The following MAVS variants were observed in gnomAD, a reference collection of about 807,000 sequenced individuals.
MAVS encodes mitochondrial antiviral signaling protein, also known as mitochondrial antiviral-signaling protein.
Under a neutral mutation model 30.2 loss-of-function variants are expected in MAVS, and 20 were observed. That is an observed-to-expected ratio of 0.66 (90% CI 0.47 to 0.96). MAVS has a LOEUF of 0.96. Ranked by LOEUF, MAVS falls within the 40% of genes least tolerant of loss-of-function variation. MAVS has a pLI of 0.00. For synonymous variants in MAVS, 278 were observed against 293.9 expected (o/e 0.95, Z 0.55); for missense variants, 624 against 701.1 (o/e 0.89, Z 1.24).
intron 1 of MAVS, among the ~76,000 whole-genome samples, chr20:3,853,492 A>T (rs1198219973): frequency 6.6e-6 from 1 of 151,636 alleles, no homozygotes; most frequent in Non-Finnish European, 1.5e-5. Flanking sequence ...TCTCAAAAAA[A>T]AAAAAAAGAA....
Position 3,874,574 on chromosome 20 carries a change from G to C in MAVS, c.*8427G>C. ...ATGGGGACAGAGCGGACTAACTGGA[G>C]GGGCATCTTTGGTTGGTTGGGGGGG... is the stretch of plus-strand genomic sequence containing the variant. On this transcript the variant is annotated 3_prime_UTR_variant, in exon 7 of 7. Transcript: ENST00000428216. The C allele has an allele frequency of 4.9e-6, 1 of 204,832 alleles. No individual in the cohort carries two copies. Among genetic ancestry groups the C allele is most frequent in the Non-Finnish European group, 9.7e-6 (1 of 102,588 alleles). 12.7% of individuals were successfully genotyped at this position (204,832 alleles called of 1,614,324 possible).
At position 3,874,363 on chromosome 20, in the gene MAVS, C is replaced by G; in HGVS notation, c.*8216C>G. 2.5e-6 allele frequency: 1 copy of G among 397,424 alleles called. No individual in the cohort carries two copies. Among genetic ancestry groups the G allele is most frequent in the Non-Finnish European group, 4.4e-6 (1 of 225,836 alleles). 24.6% of individuals were successfully genotyped at this position (397,424 alleles called of 1,614,324 possible). On this transcript the variant is annotated 3_prime_UTR_variant, in exon 7 of 7. Transcript: ENST00000428216. ...GTATTGTCAGTTTGTTTCCAGACTC[C>G]CTGTTGGAGATGTGGAAATAAAAAC...
rs753967739 is a variant in MAVS, at chr20:3,864,278, A to G, written c.648A>G (p.Pro216=). The G allele has an allele frequency of 4.3e-6, 7 of 1,610,994 alleles. No homozygotes were observed. Among genetic ancestry groups the G allele is most frequent in the East Asian group, 2.2e-5 (1 of 44,836 alleles). The stretch of plus-strand genomic sequence containing the variant: ...CAGGTGCGACCTCCAGCCTCACACC[A>G]TCCCGTGGGCCTGTGTCTCCATCTG... ...HTAGATSSLT[P]SRGPVSPSVS... The change falls in exon 6 of 7, where the codon CCA becomes CCG. Residue 216 remains proline, a synonymous_variant. Coordinates refer to ENST00000428216, the MANE Select transcript of MAVS (RefSeq NM_020746.5).
At chr20:3,850,045 G>C (rs940498063) in intron 1 of MAVS, among the ~76,000 whole-genome samples, 1 of 151,850 alleles carries the variant, frequency 6.6e-6, no homozygotes, top group East Asian at 1.9e-4. Context: ...TTGGGAGGCC[G>C]AGGCGGGCAG....
intron 1 of MAVS, among the ~76,000 whole-genome samples, chr20:3,847,547 A>G (rs1480022357): frequency 6.6e-6 from 1 of 152,204 alleles, no homozygotes; most frequent in Non-Finnish European, 1.5e-5. Context: ...AACATGAAAC[A>G]AACCAAAAAC....
In MAVS at chr20:3,865,944, C is replaced by T. The variant is rs535399230; in HGVS notation, c.1420C>T (p.Pro474Ser). Residue 474 changes from proline to serine, a missense_variant, in exon 7 of 7, where the codon CCC becomes TCC. By Grantham distance (74) the Pro-to-Ser change is moderately conservative. Coordinates refer to ENST00000428216, the MANE Select transcript of MAVS (RefSeq NM_020746.5). The surrounding 1 kb of genome is among the most constrained non-coding windows in gnomAD (Gnocchi z 4.7). ...GTFGIHVAEN[P>S]SIQLLEGNPG... ...CTTTGGGATCCACGTGGCTGAGAAC[C>T]CCAGCATCCAGCTCCTGGAGGGCAA... 3.7e-6 allele frequency: 6 copies of T among 1,613,724 alleles called. No individual in the cohort carries two copies. The East Asian group carries it at 1.3e-4, about 36-fold the overall frequency.
rs368658432 is a variant in MAVS, at chr20:3,864,650, G to A, written c.1020G>A (p.Ala340=). 2.2e-5 allele frequency: 36 copies of A among 1,614,040 alleles called. No individual in the cohort carries two copies. Among genetic ancestry groups the A allele is most frequent in the East Asian group, 6.7e-5 (3 of 44,894 alleles). Residue 340 remains alanine (A), a synonymous_variant, in exon 6 of 7, where the codon GCG becomes GCA. Coordinates refer to ENST00000428216, the MANE Select transcript of MAVS (RefSeq NM_020746.5). ...SKPPGAVPSN[A]LTNPAPSKLP... is the part of the protein sequence containing the mutation. ...CCCCTGGTGCAGTGCCTTCTAATGC[G>A]CTCACCAATCCAGCACCATCCAAAT...
intron 3 of MAVS, among the ~76,000 whole-genome samples, chr20:3,860,397 G>A (rs1202467917): frequency 3.0e-5 from 4 of 134,668 alleles, no homozygotes; most frequent in African/African-American, 5.7e-5. Flanking sequence ...TTTTTGAGAC[G>A]GAGTCTCGCT....
At chr20:3,861,743 T>TTGTGTG (rs111361032) in intron 4 of MAVS, among the ~76,000 whole-genome samples, 332 of 148,884 alleles carry the variant, frequency 2.2e-3, no homozygotes, top group African/African-American at 3.5e-3. Context: ...GACCACAGTT[T>TTGTGTG]TGTGTGTGTG....
Position 3,865,590 on chromosome 20 carries a change from T to TA in MAVS, c.1159-92dup. ...ATTGGGAATTGAGGGGTTGGAGTGT[T>TA]AGTTCATGCCCTGGCCTGGGAATGG... is the stretch of plus-strand genomic sequence containing the variant. On this transcript the variant is annotated intron_variant, in intron 6 of 6. Transcript: ENST00000428216. This position sits in a 1 kb window ranked among gnomAD's most constrained non-coding sequence, Gnocchi z 4.7. The TA allele has an allele frequency of 8.5e-7, 1 of 1,181,248 alleles. No individual in the cohort carries two copies. 73.2% of individuals were successfully genotyped at this position (1,181,248 alleles called of 1,614,324 possible).
chr20:3,853,656 T>G (rs940497917), intron 1 of MAVS, among the ~76,000 whole-genome samples: 1 of 151,980 alleles, frequency 6.6e-6, no homozygotes, highest in African/African-American at 2.4e-5. Flanking sequence ...TAGCTGGGCA[T>G]AGTGGCGCAG....
chr20:3,855,758 C>T (rs1008267802), intron 2 of MAVS, among the ~76,000 whole-genome samples: 1 of 152,162 alleles, frequency 6.6e-6, no homozygotes, highest in Non-Finnish European at 1.5e-5. Flanking sequence ...TAAATATTTT[C>T]TGTGGGTTTT....
In MAVS at chr20:3,871,345, G is replaced by A. The variant is rs1568541493; in HGVS notation, c.*5198G>A. 1 of 153,992 alleles carries A rather than the reference G, an allele frequency of 6.5e-6. No individual in the cohort carries two copies. Among genetic ancestry groups the A allele is most frequent in the East Asian group, 1.9e-4 (1 of 5,306 alleles). The allele number at this position is 153,992 out of a possible 1,614,324, so 9.5% of individuals were successfully genotyped here. A position where few individuals can be genotyped will look rare whatever the true frequency, so the allele number is the denominator to read the frequency against. On this transcript the variant is annotated 3_prime_UTR_variant, in exon 7 of 7. Transcript: ENST00000428216. ...TGGTTTTGTGGCCTCTGTGGATGAC[G>A]TCTCTCACCTTGAACCAGTTCAGAG...
intron 1 of MAVS, among the ~76,000 whole-genome samples, chr20:3,848,805 C>G (rs140073709): frequency 6.6e-6 from 1 of 152,308 alleles, no homozygotes; most frequent in Non-Finnish European, 1.5e-5. Flanking sequence ...TGCTCCTCCC[C>G]TGGCTTCTCT....
Position 3,870,949 on chromosome 20 carries a change from C to G in MAVS, c.*4802C>G, listed in dbSNP as rs181268890. The G allele has an allele frequency of 6.6e-6, 1 of 152,172 alleles. No individual in the cohort carries two copies. The highest frequency in any genetic ancestry group is 1.5e-5 in the Non-Finnish European group (1 of 68,120). 9.4% of individuals were successfully genotyped at this position (152,172 alleles called of 1,614,324 possible). A position where few individuals can be genotyped will look rare whatever the true frequency, so the allele number is the denominator to read the frequency against. On this transcript the variant is annotated 3_prime_UTR_variant, in exon 7 of 7. Transcript: ENST00000428216. ...AGGCTGGAGTGCAGTGGTGCAACTTCGGCTCACTGCAACCTCCGCCTCCCA... is the reference window on the plus strand; with the variant it reads ...AGGCTGGAGTGCAGTGGTGCAACTTGGGCTCACTGCAACCTCCGCCTCCCA...
chr20:3,866,206 CT>C lies in MAVS; in HGVS notation c.*60del, dbSNP rs1165536340. The C allele has an allele frequency of 7.0e-7, 1 of 1,433,310 alleles. No homozygotes were observed. Among genetic ancestry groups the C allele is most frequent in the Non-Finnish European group, 9.3e-7 (1 of 1,075,296 alleles). The allele number at this position is 1,433,310 out of a possible 1,614,324, so 88.8% of individuals were successfully genotyped here. On this transcript the variant is annotated 3_prime_UTR_variant, in exon 7 of 7. Coordinates refer to ENST00000428216, the MANE Select transcript of MAVS (RefSeq NM_020746.5). ...TCCGTTCCTGCAGTACACCTGGCCC[CT>C]CTCCGAAGCCCCTTGTCCCTTTCTT...
At position 3,864,696 on chromosome 20, in the gene MAVS, G is replaced by A. The variant is rs1173587218; in HGVS notation, c.1066G>A (p.Ala356Thr). The change falls in exon 6 of 7, where the codon GCT (alanine) becomes ACT (threonine). Residue 356 changes from alanine to threonine, a missense_variant. Coordinates refer to ENST00000428216, the MANE Select transcript of MAVS (RefSeq NM_020746.5). ...PSKLPINSTR[A>T]GMVPSKVPTS... The stretch of plus-strand genomic sequence containing the variant: ...CAAATTGCCCATCAACTCAACCCGT[G>A]CTGGCATGGTGCCATCCAAAGTGCC... 1 of 1,614,224 alleles carries A rather than the reference G, an allele frequency of 6.2e-7. No individual in the cohort carries two copies. Among genetic ancestry groups the A allele is most frequent in the Admixed American group, 1.7e-5 (1 of 60,028 alleles).
At chr20:3,863,437 A>G (rs139210544) in intron 5 of MAVS, among the ~76,000 whole-genome samples, 8 of 152,314 alleles carry the variant, frequency 5.3e-5, no homozygotes, top group Non-Finnish European at 1.0e-4. Flanking sequence ...AACTGCTCCA[A>G]GCACCTGTCT....
chr20:3,852,712 TAG>T (rs1009245431), intron 1 of MAVS, among the ~76,000 whole-genome samples: 1 of 152,046 alleles, frequency 6.6e-6, no homozygotes, highest in Non-Finnish European at 1.5e-5. Context: ...TTTATTTTTT[TAG>T]AGACAGGGTC....
Sources: allele counts gnomAD v4.1 joint callset (sites outside exome capture counted in the v4.1 genomes callset), GRCh38; gene constraint gnomAD v4.1.1; non-coding constraint Gnocchi (gnomAD v3.1); transcripts MANE v1.5; gene names NCBI Gene and HGNC (gene_info 2026-07-23, HGNC 2026-07-21).